The following RHOT1 variants were observed in gnomAD, a reference collection of about 807,000 sequenced individuals.
The protein encoded by RHOT1 is mitochondrial Rho GTPase 1.
In RHOT1, 27 loss-of-function variants were observed where a neutral mutation model predicts 95.3. That is an observed-to-expected ratio of 0.28 (90% CI 0.21 to 0.39). The LOEUF (loss-of-function observed/expected upper bound fraction) is 0.39, where lower values mean the gene tolerates loss of function less well. Among genes scored for constraint, RHOT1 ranks in the 10% least tolerant of loss-of-function variants. The probability of loss-of-function intolerance (pLI) is 1.00; values close to 1 mark genes in which losing one functional copy is unlikely to be tolerated. For synonymous variants in RHOT1, 227 were observed against 263.5 expected, an observed-to-expected ratio of 0.86 and a Z score of 1.34; for missense variants, 578 against 786.7, an observed-to-expected ratio of 0.73 and a Z score of 3.17.
intron 1 of RHOT1, among the ~76,000 whole-genome samples, chr17:32,165,616 GT>G (rs753388371): frequency 6.6e-6 from 1 of 152,002 alleles, no homozygotes; most frequent in Non-Finnish European, 1.5e-5. Flanking sequence ...TCATCCAGTG[GT>G]TTTTTCTATG....
At chr17:32,155,472 CTTTTCT>C (rs1259658662) in intron 1 of RHOT1, among the ~76,000 whole-genome samples, 1 of 146,210 alleles carries the variant, frequency 6.8e-6, no homozygotes, top group African/African-American at 2.5e-5. Context: ...AATGCATTTT[CTTTTCT>C]TTTTCTTTCT....
Position 32,203,899 on chromosome 17 carries a change from A to G in RHOT1, c.1342A>G (p.Lys448Glu). The part of the protein sequence containing the change: ...LLGRNLMRQK[K>E]IREDHKSYYA... The stretch of plus-strand genomic sequence containing the variant: ...TCGGTTCTGTTTTCAGAGGCAGAAG[A>G]AAATTCGTGAAGATCATAAATCCTA... The change falls in exon 16 of 20, where the codon AAA (lysine) becomes GAA (glutamate). Residue 448 changes from lysine to glutamate, a missense_variant. Lys to Glu is a moderately conservative substitution (Grantham distance 56, BLOSUM62 1). Around this residue, in one of 4 missense-constraint regions of RHOT1, gnomAD observed 296 missense variants for 338.5 expected, o/e 0.87. Coordinates refer to ENST00000545287, the MANE Select transcript of RHOT1 (RefSeq NM_001033566.3). 8 of 1,612,722 alleles carry G rather than the reference A, an allele frequency of 5.0e-6. No homozygotes were observed. The highest frequency in any genetic ancestry group is 5.9e-6 in the Non-Finnish European group (7 of 1,179,182).
At chr17:32,177,045 A>G (rs990288375) in intron 6 of RHOT1, among the ~76,000 whole-genome samples, 1 of 152,122 alleles carries the variant, frequency 6.6e-6, no homozygotes, top group Non-Finnish European at 1.5e-5. Context: ...CATATTTTGG[A>G]AGGGAGACTG....
At chr17:32,223,571 T>C (rs1231181247) in intron 19 of RHOT1, among the ~76,000 whole-genome samples, 1 of 151,732 alleles carries the variant, frequency 6.6e-6, no homozygotes, top group Admixed American at 6.6e-5. Flanking sequence ...CCCACCACCA[T>C]GCCCGGCCAC....
Position 32,200,942 on chromosome 17 carries a change from CT to C in RHOT1, c.1101-10del. The stretch of plus-strand genomic sequence containing the variant: ...TTAGGAACTTTTCACATTTTAAACT[CT>C]TTTCTTTCATAGGCTCACGACTTAT... On this transcript the variant is annotated splice_polypyrimidine_tract_variant and intron_variant, in intron 13 of 19. Coordinates refer to ENST00000545287, the MANE Select transcript of RHOT1 (RefSeq NM_001033566.3). 1 of 1,588,146 alleles carries C rather than the reference CT, an allele frequency of 6.3e-7. No homozygotes were observed. Among genetic ancestry groups the C allele is most frequent in the East Asian group, 2.2e-5 (1 of 44,654 alleles).
intron 18 of RHOT1, among the ~76,000 whole-genome samples, chr17:32,209,978 G>A (rs939581429): frequency 1.3e-5 from 2 of 151,966 alleles, no homozygotes; most frequent in African/African-American, 4.8e-5. Context: ...AATGTCTTGG[G>A]CCTATACAAG....
intron 14 of RHOT1, 87 bp downstream of exon 14, chr17:32,201,143 C>T: frequency 1.4e-6 from 1 of 715,212 alleles, no homozygotes; most frequent in East Asian, 2.8e-5. Flanking sequence ...AGAATACACT[C>T]ATCTTCATTA....
intron 1 of RHOT1, among the ~76,000 whole-genome samples, chr17:32,147,484 A>C (rs1399873775): frequency 3.3e-5 from 5 of 150,770 alleles, no homozygotes; most frequent in South Asian, 2.1e-4. Flanking sequence ...TATTAAAAAA[A>C]AAAGCCATAT....
intron 6 of RHOT1, among the ~76,000 whole-genome samples, chr17:32,177,730 G>A (rs1228340227): frequency 6.8e-6 from 1 of 146,988 alleles, no homozygotes; most frequent in East Asian, 2.0e-4. Context: ...ACTCCAGCCT[G>A]GGCAACAGAG....
At position 32,211,111 on chromosome 17, in the gene RHOT1, C is replaced by T. The variant is rs978385336; in HGVS notation, c.1740-5C>T. ...CAACTCCTGTCCTTCTGTGTGTTTT[C>T]GCAGCCATGCCCGGTTACGCTGTAT... On this transcript the variant is annotated splice_polypyrimidine_tract_variant and splice_region_variant and intron_variant, in intron 18 of 19. Transcript: ENST00000545287. The T allele has an allele frequency of 1.0e-5, 16 of 1,594,568 alleles. No individual in the cohort carries two copies. Among genetic ancestry groups the T allele is most frequent in the Middle Eastern group, 3.3e-4 (2 of 5,998 alleles).
intron 9 of RHOT1, among the ~76,000 whole-genome samples, 168 bp downstream of exon 9, chr17:32,192,467 T>C (rs2036562031): frequency 6.6e-6 from 1 of 151,928 alleles, no homozygotes; most frequent in Admixed American, 6.6e-5. Context: ...TAAACTCTCT[T>C]ATGCTCAGGA....
chr17:32,199,503 C>A lies in RHOT1; in HGVS notation c.1053C>A (p.Thr351=), dbSNP rs1399636514. The change falls in exon 13 of 20, where the codon ACC becomes ACA. Residue 351 remains threonine, a synonymous_variant. Coordinates refer to ENST00000545287, the MANE Select transcript of RHOT1 (RefSeq NM_001033566.3). ...WGPDVNNTVC[T]NERGWITYQG... is the part of the protein sequence containing the mutation. ...CAGATGTGAATAACACAGTTTGTAC[C>A]AATGAAAGAGGCTGGATAACCTACC... The A allele has an allele frequency of 6.2e-7, 1 of 1,612,584 alleles. No individual in the cohort carries two copies. The highest frequency in any genetic ancestry group is 8.5e-7 in the Non-Finnish European group (1 of 1,179,602).
chr17:32,150,949 C>A, intron 1 of RHOT1: 2 of 1,550,640 alleles, frequency 1.3e-6, no homozygotes, highest in Non-Finnish European at 1.8e-6. Context: ...GGTTTGGTTG[C>A]TTTGCTGATT....
chr17:32,215,622 G>A (rs540056122), intron 19 of RHOT1, among the ~76,000 whole-genome samples: 3 of 152,136 alleles, frequency 2.0e-5, no homozygotes, highest in Admixed American at 6.5e-5. Context: ...ATGAATTTAG[G>A]CAGTTTCAAG....
chr17:32,209,250 A>G (rs1004309292), intron 18 of RHOT1: 15 of 545,264 alleles, frequency 2.8e-5, no homozygotes, highest in Non-Finnish European at 3.9e-5. Flanking sequence ...TTGAATTTCT[A>G]TTTGTATTCG....
chr17:32,201,114 T>A, intron 14 of RHOT1, 58 bp downstream of exon 14: 1 of 1,022,928 alleles, frequency 9.8e-7, no homozygotes, highest in South Asian at 1.4e-5. Flanking sequence ...GACTCCATTT[T>A]CAAATGTAAC....
At chr17:32,162,298 CTATCA>C (rs1427012211) in intron 1 of RHOT1, among the ~76,000 whole-genome samples, 1 of 152,140 alleles carries the variant, frequency 6.6e-6, no homozygotes, top group African/African-American at 2.4e-5. Flanking sequence ...AAAGACACTC[CTATCA>C]TATAGGAAAT....
chr17:32,179,472 C>A (rs1462564561), intron 6 of RHOT1: 2 of 127,428 alleles, frequency 1.6e-5, no homozygotes. Flanking sequence ...TGAGGAGCAC[C>A]TCTGCCCGGC....
At chr17:32,203,031 T>A (rs2037434981) in intron 15 of RHOT1, 131 bp downstream of exon 15, 3 of 824,070 alleles carry the variant, frequency 3.6e-6, no homozygotes, top group African/African-American at 1.7e-5. Flanking sequence ...TCAAGTACAG[T>A]CTAAATGTAA....
Sources: allele counts gnomAD v4.1 joint callset (sites outside exome capture counted in the v4.1 genomes callset), GRCh38; gene constraint gnomAD v4.1.1; regional missense constraint gnomAD v4.1.1; transcripts MANE v1.5; gene names NCBI Gene and HGNC (gene_info 2026-07-23, HGNC 2026-07-21).